Variants in KIAA1217 observed in about 807,000 individuals in gnomAD.
KIAA1217 encodes sickle tail protein homolog.
In KIAA1217, 88 loss-of-function variants were observed where a neutral mutation model predicts 163.9. The observed-to-expected ratio is 0.54, with a 90% CI of 0.45 to 0.64. The LOEUF is 0.64. Among genes scored for constraint, KIAA1217 ranks in the 30% least tolerant of loss-of-function variants. The probability of loss-of-function intolerance (pLI) is 0.00; values close to 1 mark genes in which losing one functional copy is unlikely to be tolerated. For synonymous variants in KIAA1217, 903 were observed against 923.1 expected (o/e 0.98, Z 0.39); for missense variants, 2,372 against 2,475.0 (o/e 0.96, Z 0.88).
Position 23,982,406 on chromosome 10 carries a change from C to T in KIAA1217, c.-320-24819C>T, listed in dbSNP as rs1845803784. The stretch of plus-strand genomic sequence containing the variant: ...ACAGCAGTGGGAGTGACGCTGGCCT[C>T]TAAAGTCAGAAGTTACAGTCTCAAG... On this transcript the variant is annotated intron_variant, in intron 1 of 18. Transcript: ENST00000376462. Among the ~76,000 whole-genome samples, 3 of 152,160 alleles carry T rather than the reference C, an allele frequency of 2.0e-5. No homozygotes were observed. In the South Asian group the frequency reaches 6.2e-4, roughly 32 times the overall value.
rs534881895 is a variant in KIAA1217, at chr10:23,944,884, C to A, written c.-320-62341C>A. On this transcript the variant is annotated intron_variant, in intron 1 of 18. Coordinates refer to the KIAA1217 transcript ENST00000376462. ...GACCAGCCTGGCCAACATGGTGAAA[C>A]CCTGTCTCTACTAATAATGTAAAAA... Among the ~76,000 whole-genome samples the A allele has an allele frequency of 3.3e-5, 5 of 152,120 alleles. No homozygotes were observed. In the East Asian group the frequency reaches 7.8e-4, roughly 24 times the overall value.
chr10:24,208,037 T>C (rs552964649), upstream of KIAA1217, among the ~76,000 whole-genome samples: 5 of 150,226 alleles, frequency 3.3e-5, no homozygotes, highest in South Asian at 8.5e-4. Context: ...GGTTACAAAA[T>C]CGCGCTCTTC....
chr10:23,932,681 G>A (rs1290781199), intron 1 of KIAA1217, among the ~76,000 whole-genome samples: 2 of 152,020 alleles, frequency 1.3e-5, no homozygotes, highest in Non-Finnish European at 2.9e-5. Flanking sequence ...TTTACTATTT[G>A]TTTTTACATT....
chr10:24,355,716 C>T (rs1313089873), intron 2 of KIAA1217, among the ~76,000 whole-genome samples: 1 of 123,302 alleles, frequency 8.1e-6, no homozygotes, highest in African/African-American at 2.9e-5. Context: ...ATGAGCATAG[C>T]AAGTCCTCAC....
At chr10:23,968,829 A>G (rs1845179778) in intron 1 of KIAA1217, among the ~76,000 whole-genome samples, 1 of 152,206 alleles carries the variant, frequency 6.6e-6, no homozygotes, top group Non-Finnish European at 1.5e-5. Flanking sequence ...TTGCCAAACA[A>G]TATTTCATTG....
intron 2 of KIAA1217, among the ~76,000 whole-genome samples, chr10:24,227,754 G>T (rs899552205): frequency 1.3e-5 from 2 of 151,360 alleles, no homozygotes; most frequent in African/African-American, 4.9e-5. Context: ...GGATGGTCTC[G>T]AGCTCCTGGC....
In KIAA1217 at chr10:23,695,923, C is replaced by T. The variant is rs937698216; in HGVS notation, c.-321+689C>T. On this transcript the variant is annotated intron_variant, in intron 1 of 18. Transcript: ENST00000376462. The surrounding 1 kb of genome is among the most constrained non-coding windows in gnomAD (Gnocchi z 4.9). ...AGGTTTCGCGGAGGGCGACAGCGCCCGGGAGCAGGGTGACCCCCACAGCGG... is the reference window on the plus strand; with the variant it reads ...AGGTTTCGCGGAGGGCGACAGCGCCTGGGAGCAGGGTGACCCCCACAGCGG... Among the ~76,000 whole-genome samples the T allele has an allele frequency of 6.6e-6, 1 of 152,166 alleles. No individual in the cohort carries two copies. Among genetic ancestry groups the T allele is most frequent in the Admixed American group, 6.5e-5 (1 of 15,290 alleles).
chr10:24,474,038 A>C lies in KIAA1217; in HGVS notation c.1657A>C (p.Ile553Leu). ...KQVFAYSTAT[I>L]PKDRETRERM... ...AGTTTTTGCCTACAGCACGGCGACA[A>C]TACCCAAAGACAGAGAGACCAGGTA... Residue 553 changes from isoleucine to leucine, a missense_variant, in exon 6 of 21, where the codon ATA (isoleucine) becomes CTA (leucine). Around this residue, in one of 3 missense-constraint regions of KIAA1217, gnomAD observed 1,431 missense variants for 1,470.3 expected, o/e 0.97. Transcript: ENST00000376454. 1 of 1,608,492 alleles carries C rather than the reference A, an allele frequency of 6.2e-7. No homozygotes were observed.
chr10:24,343,874 A>G (rs2133879070), intron 2 of KIAA1217, among the ~76,000 whole-genome samples: 1 of 152,330 alleles, frequency 6.6e-6, no homozygotes, highest in East Asian at 1.9e-4. Context: ...TTGAAATGCC[A>G]CTTTGTGAGA....
At chr10:23,890,056 G>T (rs1442457989) in intron 1 of KIAA1217, among the ~76,000 whole-genome samples, 1 of 151,568 alleles carries the variant, frequency 6.6e-6, no homozygotes, top group East Asian at 2.0e-4. Context: ...TAAGCATTTG[G>T]TAAAATTCAC....
chr10:24,434,122 C>T (rs1023584642), intron 4 of KIAA1217, among the ~76,000 whole-genome samples: 9 of 150,012 alleles, frequency 6.0e-5, no homozygotes, highest in East Asian at 4.0e-4. Context: ...CTGTAACCTC[C>T]GCCTCCTGGG....
chr10:24,196,171 ACTG>A, intron 2 of KIAA1217, among the ~76,000 whole-genome samples: 1 of 141,126 alleles, frequency 7.1e-6, no homozygotes, highest in African/African-American at 2.6e-5. Context: ...ACACACACAC[ACTG>A]CCCTCACAAG....
intron 1 of KIAA1217, among the ~76,000 whole-genome samples, chr10:24,006,476 A>G (rs1347519578): frequency 6.6e-6 from 1 of 152,168 alleles, no homozygotes; most frequent in Admixed American, 6.6e-5. Context: ...TCTGGCATCA[A>G]GTAAATCACT....
At chr10:23,868,889 T>G (rs1840319444) in intron 1 of KIAA1217, among the ~76,000 whole-genome samples, 1 of 152,162 alleles carries the variant, frequency 6.6e-6, no homozygotes, top group Non-Finnish European at 1.5e-5. Context: ...AAAACTAGAA[T>G]GTTTTATAAA....
chr10:24,026,742 A>ATTTTTTTTTTTTTTTT, intron 2 of KIAA1217, among the ~76,000 whole-genome samples: 5 of 70,090 alleles, frequency 7.1e-5, no homozygotes, highest in Non-Finnish European at 1.4e-4. Context: ...TATTTCATTG[A>ATTTTTTTTTTTTTTTT]TTTTTTTTTT....
chr10:24,155,409 C>T lies in KIAA1217; in HGVS notation c.-170-64217C>T, dbSNP rs184592066. Among the ~76,000 whole-genome samples the T allele has an allele frequency of 6.6e-5, 10 of 152,256 alleles. No homozygotes were observed. The East Asian group carries it at 1.9e-3, about 29-fold the overall frequency. On this transcript the variant is annotated intron_variant, in intron 2 of 18. Coordinates refer to the KIAA1217 transcript ENST00000376462. ...CTAAGTTCCACATATTCATATTATA[C>T]ACAAGAAAACTGAGGTCTGGAGGAA...
intron 8 of KIAA1217, among the ~76,000 whole-genome samples, chr10:24,500,529 T>C (rs373145638): frequency 9.9e-5 from 15 of 152,250 alleles, no homozygotes; most frequent in South Asian, 8.3e-4. Context: ...CTTGCCTTAT[T>C]TTCTTACTAA....
In KIAA1217 at chr10:24,444,198, G is replaced by C. The variant is rs550769811; in HGVS notation, c.846+5719G>C. 9.2e-5 allele frequency among the ~76,000 whole-genome samples: 14 copies of C among 152,152 alleles called. No individual in the cohort carries two copies. In the East Asian group the frequency reaches 2.5e-3, roughly 27 times the overall value. On this transcript the variant is annotated intron_variant, in intron 5 of 20. Transcript: ENST00000376454. ...GCACATTTTTGTATTTTTTACTAGAGACGGGGTTTCACCACGTTGACCAGG... is the reference window on the plus strand; with the variant it reads ...GCACATTTTTGTATTTTTTACTAGACACGGGGTTTCACCACGTTGACCAGG...
intron 1 of KIAA1217, among the ~76,000 whole-genome samples, chr10:23,752,370 G>T (rs1429011938): frequency 6.6e-6 from 1 of 152,126 alleles, no homozygotes. Flanking sequence ...TTTAAGACAG[G>T]AAGTCATTGA....
Sources: allele counts gnomAD v4.1 joint callset (sites outside exome capture counted in the v4.1 genomes callset), GRCh38; gene constraint gnomAD v4.1.1; regional missense constraint gnomAD v4.1.1; non-coding constraint Gnocchi (gnomAD v3.1); transcripts MANE v1.5; gene names NCBI Gene and HGNC (gene_info 2026-07-23, HGNC 2026-07-21).